The following SLC17A6 variants were observed in gnomAD, a reference collection of about 807,000 sequenced individuals.
SLC17A6 encodes the protein solute carrier family 17 member 6.
Under a neutral mutation model 67.1 loss-of-function variants are expected in SLC17A6, and 35 were observed. The observed-to-expected ratio is 0.52, with a 90% CI of 0.40 to 0.69. The LOEUF (loss-of-function observed/expected upper bound fraction) is 0.69, where lower values mean the gene tolerates loss of function less well. SLC17A6 is among the 30% of genes least tolerant of loss of function. The pLI, the probability that SLC17A6 is intolerant of heterozygous loss-of-function variation, is 0.00. For missense variants in SLC17A6, 588 were observed against 723.9 expected, an observed-to-expected ratio of 0.81 and a Z score of 2.15; for synonymous variants, 285 against 252.3, an observed-to-expected ratio of 1.13 and a Z score of -1.23.
rs1855819898 is a variant in SLC17A6, at chr11:22,341,856, C to T, written c.339+76C>T. 3.3e-6 allele frequency: 5 copies of T among 1,522,648 alleles called. No individual in the cohort carries two copies. The South Asian group carries it at 5.1e-5, about 16-fold the overall frequency. 94.3% of individuals were successfully genotyped at this position (1,522,648 alleles called of 1,614,324 possible). A position where few individuals can be genotyped will look rare whatever the true frequency, so the allele number is the denominator to read the frequency against. ...GCAAAACCACATCTCCTGTTTGAGC[C>T]CCGTTCCCCCGCCACTGAGAGGAAG... On this transcript the variant is annotated intron_variant, in intron 2 of 11. Coordinates refer to ENST00000263160, the MANE Select transcript of SLC17A6 (RefSeq NM_020346.3).
rs1428523899 is a variant in SLC17A6, at chr11:22,339,140, ATGT to A, written c.86+523_86+525del. On this transcript the variant is annotated intron_variant, in intron 1 of 11. Coordinates refer to ENST00000263160, the MANE Select transcript of SLC17A6 (RefSeq NM_020346.3). Reference sequence around the variant, plus strand: ...TGTTATATATATATGTTATATATATATGTTATATATAGTTATATATATATGTTA... The same window carrying A: ...TGTTATATATATATGTTATATATATATATATATAGTTATATATATATGTTA... Among the ~76,000 whole-genome samples, 16 of 6,474 alleles carry A rather than the reference ATGT, an allele frequency of 2.5e-3. 2 individuals carry two copies. The East Asian group carries it at 0.13, about 53-fold the overall frequency. 4.2% of individuals were successfully genotyped at this position (6,474 alleles called of 152,430 possible).
At chr11:22,342,819 C>A in intron 2 of SLC17A6, 1 of 356,076 alleles carries the variant, frequency 2.8e-6, no homozygotes, top group South Asian at 2.1e-5. Context: ...CAGAATTTCC[C>A]GATTTAAGTC....
At chr11:22,339,824 A>G (rs1026321274) in intron 1 of SLC17A6, among the ~76,000 whole-genome samples, 2 of 152,132 alleles carry the variant, frequency 1.3e-5, no homozygotes, top group African/African-American at 4.8e-5. Context: ...TACCATGGAA[A>G]GGGATGTTCT....
At position 22,338,581 on chromosome 11, in the gene SLC17A6, A is replaced by G. The variant is rs1855763028; in HGVS notation, c.48A>G (p.Leu16=). Residue 16 remains leucine (L), a synonymous_variant, in exon 1 of 12, where the codon CTA becomes CTG. Coordinates refer to ENST00000263160, the MANE Select transcript of SLC17A6 (RefSeq NM_020346.3). ...TTTTGGCCCCAGGAAAAGAGGGGCTAAAGAATTTTGCTGGAAAATCACTCG... is the reference window on the plus strand; with the variant it reads ...TTTTGGCCCCAGGAAAAGAGGGGCTGAAGAATTTTGCTGGAAAATCACTCG... The part of the protein sequence containing the change: ...QRILAPGKEG[L]KNFAGKSLGQ... 3 of 1,613,956 alleles carry G rather than the reference A, an allele frequency of 1.9e-6. No homozygotes were observed. Among genetic ancestry groups the G allele is most frequent in the Non-Finnish European group, 2.5e-6 (3 of 1,179,886 alleles).
At position 22,377,421 on chromosome 11, in the gene SLC17A6, A is replaced by C; in HGVS notation, c.1430A>C (p.Gln477Pro). The change falls in exon 12 of 12, where the codon CAG (glutamine) becomes CCG (proline). Residue 477 changes from glutamine to proline, a missense_variant. By Grantham distance (76) the Gln-to-Pro change is moderately conservative. Coordinates refer to ENST00000263160, the MANE Select transcript of SLC17A6 (RefSeq NM_020346.3). ...TCACTGCAGTCACGTGAAGAGTGGC[A>C]GTATGTCTTCCTGATCGCTGCCCTA... ...MTKNKSREEW[Q>P]YVFLIAALVH... The C allele has an allele frequency of 6.2e-7, 1 of 1,609,464 alleles. No homozygotes were observed. Among genetic ancestry groups the C allele is most frequent in the Non-Finnish European group, 8.5e-7 (1 of 1,176,528 alleles).
chr11:22,349,993 G>A (rs917962918), intron 3 of SLC17A6, among the ~76,000 whole-genome samples: 7 of 152,262 alleles, frequency 4.6e-5, no homozygotes, highest in African/African-American at 1.7e-4. Flanking sequence ...TTGATTTAGG[G>A]AAAATGAACA....
intron 3 of SLC17A6, among the ~76,000 whole-genome samples, chr11:22,348,897 TG>T (rs1855907302): frequency 6.6e-6 from 1 of 152,236 alleles, no homozygotes; most frequent in Non-Finnish European, 1.5e-5. Flanking sequence ...TATCTTCATG[TG>T]TTAAGCCCAG....
intron 8 of SLC17A6, among the ~76,000 whole-genome samples, chr11:22,373,028 T>G (rs1248225921): frequency 6.6e-6 from 1 of 152,198 alleles, no homozygotes; most frequent in African/African-American, 2.4e-5. Context: ...ACTTATCTCA[T>G]TAACCCTGTA....
chr11:22,374,059 T>C (rs556785945), intron 8 of SLC17A6, among the ~76,000 whole-genome samples: 1 of 152,306 alleles, frequency 6.6e-6, no homozygotes, highest in Non-Finnish European at 1.5e-5. Flanking sequence ...TATGTATACT[T>C]ACTGTCCCCA....
At position 22,377,882 on chromosome 11, in the gene SLC17A6, C is replaced by T; in HGVS notation, c.*142C>T. The T allele has an allele frequency of 1.5e-6, 1 of 666,398 alleles. No individual in the cohort carries two copies. Among genetic ancestry groups the T allele is most frequent in the Non-Finnish European group, 2.5e-6 (1 of 399,912 alleles). 41.3% of individuals were successfully genotyped at this position (666,398 alleles called of 1,614,324 possible). ...TGTAAAAATGAAAACAAAACAAACC[C>T]ATGAGGTTACCATCAAGTGCAATCT... is the stretch of plus-strand genomic sequence containing the variant. On this transcript the variant is annotated 3_prime_UTR_variant, in exon 12 of 12. Transcript: ENST00000263160.
At chr11:22,362,997 CTG>C (rs1856069137) in intron 6 of SLC17A6, among the ~76,000 whole-genome samples, 172 bp downstream of exon 6, 1 of 152,166 alleles carries the variant, frequency 6.6e-6, no homozygotes, top group African/African-American at 2.4e-5. Context: ...TATTTCATCT[CTG>C]TTATTTTTCT....
intron 3 of SLC17A6, among the ~76,000 whole-genome samples, chr11:22,357,561 C>T (rs982846061): frequency 3.9e-5 from 6 of 152,178 alleles, no homozygotes; most frequent in East Asian, 3.9e-4. Context: ...CGGTTATCTA[C>T]GCCCAAATTT....
chr11:22,339,907 T>C (rs1290987720), intron 1 of SLC17A6, among the ~76,000 whole-genome samples: 1 of 52,966 alleles, frequency 1.9e-5, no homozygotes, highest in Non-Finnish European at 3.3e-5. Context: ...ATGCAGGAAA[T>C]GAAAAAAAAA....
rs1479387041 is a variant in SLC17A6 at position 22,338,636 on chromosome 11, A to T, written c.86+17A>T. 2.5e-6 allele frequency: 4 copies of T among 1,589,094 alleles called. No homozygotes were observed. The highest frequency in any genetic ancestry group is 2.6e-6 in the Non-Finnish European group (3 of 1,158,736). On this transcript the variant is annotated intron_variant, in intron 1 of 11. Transcript: ENST00000263160. ...GATCTACAGGTAAGACAAAGCGAACACTTGCTTACCTGGGGCTCAGCATGA... is the reference window on the plus strand; with the variant it reads ...GATCTACAGGTAAGACAAAGCGAACTCTTGCTTACCTGGGGCTCAGCATGA...
intron 3 of SLC17A6, among the ~76,000 whole-genome samples, chr11:22,350,169 A>G (rs1377571110): frequency 6.6e-6 from 1 of 152,190 alleles, no homozygotes. Flanking sequence ...GCTAATCATC[A>G]GGCAGTTTGT....
chr11:22,378,424 A>G lies in SLC17A6; in HGVS notation c.*684A>G, dbSNP rs185478960. The G allele has an allele frequency of 4.6e-5, 7 of 152,764 alleles. No homozygotes were observed. The highest frequency in any genetic ancestry group is 3.4e-3 in the Middle Eastern group (1 of 294). 9.5% of individuals were successfully genotyped at this position (152,764 alleles called of 1,614,324 possible). On this transcript the variant is annotated 3_prime_UTR_variant, in exon 12 of 12. Coordinates refer to ENST00000263160, the MANE Select transcript of SLC17A6 (RefSeq NM_020346.3). ...TTCTTCCATCCATTTACCTAATAGTATGAAACAGTTCACATTTCAATAAAA... is the reference window on the plus strand; with the variant it reads ...TTCTTCCATCCATTTACCTAATAGTGTGAAACAGTTCACATTTCAATAAAA...
chr11:22,360,722 A>G (rs1015778791), intron 4 of SLC17A6, among the ~76,000 whole-genome samples, 175 bp from the exon 5 acceptor site: 2 of 152,134 alleles, frequency 1.3e-5, no homozygotes, highest in African/African-American at 2.4e-5. Context: ...ATTTTTTCAA[A>G]CTGTTCAGAA....
chr11:22,364,315 AT>A (rs1856084376), intron 6 of SLC17A6, among the ~76,000 whole-genome samples: 1 of 152,074 alleles, frequency 6.6e-6, no homozygotes, highest in Non-Finnish European at 1.5e-5. Flanking sequence ...AATATCTCTC[AT>A]TTTTTGAAAG....
chr11:22,344,659 A>C (rs1230565204), intron 3 of SLC17A6, among the ~76,000 whole-genome samples: 1 of 152,322 alleles, frequency 6.6e-6, no homozygotes, highest in East Asian at 1.9e-4. Flanking sequence ...TCCCTTTAAA[A>C]AAATCAATTT....
Sources: gnomAD v4.1 joint callset for allele counts (sites outside exome capture counted in the v4.1 genomes callset) on GRCh38, gnomAD v4.1.1 for gene constraint, MANE v1.5 for transcripts, NCBI Gene and HGNC (gene_info 2026-07-23, HGNC 2026-07-21) for gene names.